The following SYBU variants were observed in gnomAD, a reference collection of about 807,000 sequenced individuals.
SYBU encodes the protein GOLSYN A protein.
SYBU carries 21 observed loss-of-function variants against 35.9 expected under a neutral mutation model. The observed-to-expected ratio is 0.58, with a 90% CI of 0.41 to 0.84. The LOEUF (loss-of-function observed/expected upper bound fraction) is 0.84, where lower values mean the gene tolerates loss of function less well. SYBU is among the 40% of genes least tolerant of loss of function. The pLI is 0.00. For synonymous variants in SYBU, 319 were observed against 324.3 expected (o/e 0.98, Z 0.18); for missense variants, 768 against 848.2 (o/e 0.91, Z 1.17).
In SYBU at chr8:109,574,354, G is replaced by C. The variant is rs1457578979; in HGVS notation, c.*552C>G. 1.3e-5 allele frequency: 2 copies of C among 152,578 alleles called. No homozygotes were observed. The highest frequency in any genetic ancestry group is 3.8e-4 in the East Asian group (2 of 5,200). The allele number at this position is 152,578 out of a possible 1,614,324, so 9.5% of individuals were successfully genotyped here. On this transcript the variant is annotated 3_prime_UTR_variant, in exon 7 of 7. Transcript: ENST00000276646. ...CAATTAACAGTTTAAGAACAAACAAGCCATTTAAGACTTTGGAGCTACATT... is the reference window on the plus strand; with the variant it reads ...CAATTAACAGTTTAAGAACAAACAACCCATTTAAGACTTTGGAGCTACATT...
At chr8:109,658,990 A>T (rs1287663308) in intron 1 of SYBU, among the ~76,000 whole-genome samples, 2 of 152,084 alleles carry the variant, frequency 1.3e-5, no homozygotes, top group South Asian at 4.1e-4. Context: ...ACAACAAAAA[A>T]AACCTTCTGC....
chr8:109,662,841 T>G (rs1816613919), intron 1 of SYBU, among the ~76,000 whole-genome samples: 1 of 152,196 alleles, frequency 6.6e-6, no homozygotes, highest in African/African-American at 2.4e-5. Context: ...ATTTTCAAAT[T>G]ATATGTTTGT....
chr8:109,628,052 T>C (rs976383677), intron 2 of SYBU, among the ~76,000 whole-genome samples: 1 of 152,234 alleles, frequency 6.6e-6, no homozygotes, highest in Non-Finnish European at 1.5e-5. Context: ...ATTCATCCAC[T>C]TATTTTTCTC....
At chr8:109,580,035 T>C (rs773332920) in intron 4 of SYBU, 33 bp from the exon 5 acceptor site, 1 of 1,602,698 alleles carries the variant, frequency 6.2e-7, no homozygotes, top group Admixed American at 1.7e-5. Context: ...GTTAAAATTC[T>C]TGGGGCTACA....
upstream of SYBU, among the ~76,000 whole-genome samples, chr8:109,649,507 G>A (rs988769118): frequency 1.3e-5 from 2 of 152,100 alleles, no homozygotes; most frequent in African/African-American, 4.8e-5. Context: ...ATCTCTGCCC[G>A]ACAAACGAGT....
intron 1 of SYBU, among the ~76,000 whole-genome samples, chr8:109,644,422 T>G (rs1815350190): frequency 6.6e-6 from 1 of 152,086 alleles, no homozygotes; most frequent in African/African-American, 2.4e-5. Context: ...AATCATGTCA[T>G]TCTCCAAAAT....
chr8:109,577,904 G>C lies in SYBU; in HGVS notation c.848C>G (p.Thr283Ser). 6.2e-7 allele frequency: 1 copy of C among 1,613,802 alleles called. No individual in the cohort carries two copies. The highest frequency in any genetic ancestry group is 8.5e-7 in the Non-Finnish European group (1 of 1,179,876). The change falls in exon 6 of 7, where the codon ACC becomes AGC. Residue 283 changes from threonine (T) to serine (S), a missense_variant. By Grantham distance (58) the Thr-to-Ser change is moderately conservative. Coordinates refer to ENST00000276646, the MANE Select transcript of SYBU (RefSeq NM_001099754.2). ...TCGGCGCTCAGATTCCTTCAGCTTG[G>C]TTTTGAGGTGTCTCACTGTCACCTC... ...QKEVTVRHLK[T>S]KLKESERRLH... is the part of the protein sequence containing the mutation.
intron 3 of SYBU, among the ~76,000 whole-genome samples, chr8:109,597,576 A>T (rs1447080820): frequency 6.6e-6 from 1 of 151,734 alleles, no homozygotes; most frequent in African/African-American, 2.4e-5. Flanking sequence ...TTAGCCAGGC[A>T]TGGTGGCATG....
At chr8:109,657,955 C>T (rs1273008140) in intron 1 of SYBU, among the ~76,000 whole-genome samples, 1 of 152,198 alleles carries the variant, frequency 6.6e-6, no homozygotes, top group Non-Finnish European at 1.5e-5. Context: ...AGCATAAATA[C>T]TCTTTTCCTA....
At chr8:109,682,156 T>A (rs1365446526), upstream of SYBU, among the ~76,000 whole-genome samples, 1 of 152,160 alleles carries the variant, frequency 6.6e-6, no homozygotes, top group African/African-American at 2.4e-5. Flanking sequence ...GGGGTGCTGC[T>A]ATGAGGATAC....
intron 1 of SYBU, among the ~76,000 whole-genome samples, chr8:109,655,434 T>C (rs1381313065): frequency 1.3e-5 from 2 of 152,226 alleles, no homozygotes; most frequent in South Asian, 4.1e-4. Flanking sequence ...TGAATAGCAA[T>C]TCAAAAGAAT....
At chr8:109,614,438 A>G (rs1303678087) in intron 3 of SYBU, among the ~76,000 whole-genome samples, 2 of 152,214 alleles carry the variant, frequency 1.3e-5, no homozygotes, top group Non-Finnish European at 2.9e-5. Flanking sequence ...AGATTCCTAA[A>G]ACATTTCCCA....
At chr8:109,626,179 C>A (rs1323144079) in intron 2 of SYBU, among the ~76,000 whole-genome samples, 1 of 152,156 alleles carries the variant, frequency 6.6e-6, no homozygotes, top group African/African-American at 2.4e-5. Flanking sequence ...AAAGCATCAA[C>A]CCTTTTGTTT....
intron 3 of SYBU, among the ~76,000 whole-genome samples, chr8:109,613,435 A>G (rs754364544): frequency 1.3e-5 from 2 of 152,238 alleles, no homozygotes; most frequent in African/African-American, 4.8e-5. Context: ...TCTCAAGAAG[A>G]CAACAAGTAG....
At chr8:109,613,573 A>T (rs1199198232) in intron 3 of SYBU, among the ~76,000 whole-genome samples, 1 of 150,148 alleles carries the variant, frequency 6.7e-6, no homozygotes, top group Non-Finnish European at 1.5e-5. Context: ...TTTTTCCCCC[A>T]AGATAGGACA....
At chr8:109,672,095 T>G (rs921660108) in intron 1 of SYBU, among the ~76,000 whole-genome samples, 4 of 152,062 alleles carry the variant, frequency 2.6e-5, no homozygotes, top group African/African-American at 9.7e-5. Context: ...GAGATGGAGT[T>G]TCTCCATGTT....
At chr8:109,668,901 A>G (rs549453487) in intron 1 of SYBU, among the ~76,000 whole-genome samples, 1 of 152,340 alleles carries the variant, frequency 6.6e-6, no homozygotes, top group African/African-American at 2.4e-5. Context: ...ATTTAATTCA[A>G]TCATGTTAAA....
chr8:109,649,479 G>T (rs1816025337), upstream of SYBU, among the ~76,000 whole-genome samples: 1 of 152,164 alleles, frequency 6.6e-6, no homozygotes. Context: ...CATTCACTGG[G>T]CTCAGAATGT....
At chr8:109,684,713 C>T (rs1372557623), upstream of SYBU, among the ~76,000 whole-genome samples, 1 of 152,124 alleles carries the variant, frequency 6.6e-6, no homozygotes, top group Non-Finnish European at 1.5e-5. Flanking sequence ...ACTGGAGTCC[C>T]CACAAAACCT....
Sources: gnomAD v4.1 joint callset for allele counts (sites outside exome capture counted in the v4.1 genomes callset) on GRCh38, gnomAD v4.1.1 for gene constraint, MANE v1.5 for transcripts, NCBI Gene and HGNC (gene_info 2026-07-23, HGNC 2026-07-21) for gene names.